Variants in GLB1L2 observed in about 807,000 individuals in gnomAD.
The protein encoded by GLB1L2 is galactosidase beta 1 like 2.
A neutral mutation model predicts 84.1 loss-of-function variants in GLB1L2; 68 were observed. The ratio of observed to expected loss-of-function variants is 0.81; its 90% CI spans 0.67 to 0.99. GLB1L2 has a LOEUF of 0.99. GLB1L2 is among the 50% of genes least tolerant of loss of function. The pLI is 0.00. For missense variants in GLB1L2, 762 were observed against 805.6 expected, an observed-to-expected ratio of 0.95 and a Z score of 0.66; for synonymous variants, 290 against 318.0, an observed-to-expected ratio of 0.91 and a Z score of 0.94.
At chr11:134,369,779 C>T (rs749299492) in intron 10 of GLB1L2, 26 bp from the exon 11 acceptor site, 82 of 1,599,666 alleles carry the variant, frequency 5.1e-5, no homozygotes, top group Non-Finnish European at 5.6e-5. Flanking sequence ...ACAGGAATGA[C>T]CATGACAGGG....
At position 134,350,687 on chromosome 11, in the gene GLB1L2, C is replaced by T. The variant is rs1021198983; in HGVS notation, c.558+3254C>T. On this transcript the variant is annotated intron_variant, in intron 5 of 18. Transcript: ENST00000535456. ...CAGCAGGACGGATGAACGGTGCAGCCTTCTATTCCTCCATCTTGCTCCACT... is the reference window on the plus strand; with the variant it reads ...CAGCAGGACGGATGAACGGTGCAGCTTTCTATTCCTCCATCTTGCTCCACT... 2.0e-5 allele frequency among the ~76,000 whole-genome samples: 3 copies of T among 152,206 alleles called. No homozygotes were observed. In the East Asian group the frequency reaches 5.8e-4, roughly 29 times the overall value.
At chr11:134,367,456 C>G (rs559954273) in intron 9 of GLB1L2, 115 bp downstream of exon 9, 3 of 822,142 alleles carry the variant, frequency 3.6e-6, no homozygotes, top group Non-Finnish European at 5.8e-6. Context: ...CTGGGATTAT[C>G]TGTGTGCAGA....
At position 134,342,909 on chromosome 11, in the gene GLB1L2, G is replaced by A. The variant is rs765852780; in HGVS notation, c.242G>A (p.Arg81His). 3 of 1,613,886 alleles carry A rather than the reference G, an allele frequency of 1.9e-6. No individual in the cohort carries two copies. The highest frequency in any genetic ancestry group is 1.1e-5 in the South Asian group (1 of 91,040). Reference protein sequence around the residue: ...FRVPREYWRDRLLKMKACGLN... With the variant: ...FRVPREYWRDHLLKMKACGLN... ...GTGCCCAGGGAGTACTGGAGGGACC[G>A]CCTGCTGAAGATGAAGGCCTGTGGC... Residue 81 changes from arginine to histidine, a missense_variant, in exon 2 of 19, where the codon CGC becomes CAC. Coordinates refer to ENST00000535456, the MANE Select transcript of GLB1L2 (RefSeq NM_001370461.1).
Position 134,375,302 on chromosome 11 carries a change from G to A in GLB1L2, c.*244G>A. On this transcript the variant is annotated 3_prime_UTR_variant, in exon 19 of 19. Transcript: ENST00000535456. The stretch of plus-strand genomic sequence containing the variant: ...CCTACAGCCCTGCTCTTGTGCCGAG[G>A]CTGTCGGGCTGTCTCTAGGGTGGGA... The A allele has an allele frequency of 2.1e-6, 1 of 477,260 alleles. No individual in the cohort carries two copies. The allele number at this position is 477,260 out of a possible 1,614,324, so 29.6% of individuals were successfully genotyped here.
intron 5 of GLB1L2, among the ~76,000 whole-genome samples, chr11:134,352,988 A>G (rs932489462): frequency 2.0e-5 from 3 of 152,104 alleles, no homozygotes; most frequent in African/African-American, 7.2e-5. Flanking sequence ...TCCTCTTTGG[A>G]CTATTGGTGA....
intron 4 of GLB1L2, 26 bp downstream of exon 4, chr11:134,345,155 T>G (rs1448472900): frequency 6.4e-7 from 1 of 1,569,588 alleles, no homozygotes; most frequent in African/African-American, 1.4e-5. Context: ...AAGGGTCCTG[T>G]GTGCTGTGGC....
intron 18 of GLB1L2, 55 bp from the exon 19 acceptor site, chr11:134,374,917 C>A: frequency 6.5e-7 from 1 of 1,545,260 alleles, no homozygotes; most frequent in African/African-American, 1.4e-5. Flanking sequence ...TCAGCACCTC[C>A]CCTGGCTCCA....
intron 7 of GLB1L2, chr11:134,360,343 C>G (rs1943765046): frequency 6.6e-6 from 1 of 152,362 alleles, no homozygotes; most frequent in Non-Finnish European, 1.5e-5. Context: ...GAGGAAAAGG[C>G]TTTTGTCCCC....
intron 1 of GLB1L2, among the ~76,000 whole-genome samples, chr11:134,332,378 G>T (rs563953917): frequency 3.3e-5 from 5 of 152,130 alleles, no homozygotes; most frequent in African/African-American, 1.2e-4. Context: ...CTCGGGAGCC[G>T]GCGTCTGTGC....
At chr11:134,343,620 A>G (rs1014642287) in intron 2 of GLB1L2, among the ~76,000 whole-genome samples, 2 of 152,170 alleles carry the variant, frequency 1.3e-5, no homozygotes, top group Admixed American at 6.5e-5. Context: ...TGGGTGGTTT[A>G]TGAACTGATT....
Position 134,367,059 on chromosome 11 carries a change from C to T in GLB1L2, c.805-198C>T, listed in dbSNP as rs183716201. Reference sequence around the variant, plus strand: ...TTATCTGCTCTATACCTGCAGGAGGCCACATGTGGCAGGAGAACTGGTGTG... The same window carrying T: ...TTATCTGCTCTATACCTGCAGGAGGTCACATGTGGCAGGAGAACTGGTGTG... On this transcript the variant is annotated intron_variant, in intron 8 of 18. Transcript: ENST00000535456. 33 of 614,622 alleles carry T rather than the reference C, an allele frequency of 5.4e-5. No individual in the cohort carries two copies. In the Admixed American group the frequency reaches 8.4e-4, roughly 16 times the overall value. The allele number at this position is 614,622 out of a possible 1,614,324, so 38.1% of individuals were successfully genotyped here.
In GLB1L2 at chr11:134,348,415, G is replaced by C. The variant is rs536225310; in HGVS notation, c.558+982G>C. Among the ~76,000 whole-genome samples, 33 of 152,318 alleles carry C rather than the reference G, an allele frequency of 2.2e-4. 1 individual carries two copies. The South Asian group carries it at 6.0e-3, about 28-fold the overall frequency. ...TTAGCCTAGATCTTGCTGGGAAGCT[G>C]GGGATCAGCAGGTTGTAGGAGTCGG... On this transcript the variant is annotated intron_variant, in intron 5 of 18. Transcript: ENST00000535456.
chr11:134,364,615 C>A, intron 8 of GLB1L2: 1 of 540,494 alleles, frequency 1.9e-6, no homozygotes, highest in African/African-American at 1.9e-5. Context: ...TGGACATCAC[C>A]CACTGCCCTG....
At chr11:134,350,821 C>T (rs1363478293) in intron 5 of GLB1L2, among the ~76,000 whole-genome samples, 1 of 152,170 alleles carries the variant, frequency 6.6e-6, no homozygotes, top group African/African-American at 2.4e-5. Flanking sequence ...TTGATGGTGT[C>T]GTAAATGGAA....
chr11:134,360,568 C>G (rs1217506811), intron 7 of GLB1L2: 2 of 152,194 alleles, frequency 1.3e-5, no homozygotes, highest in African/African-American at 4.8e-5. Context: ...TGCAAGGAAG[C>G]CCGGGAGCCG....
chr11:134,375,537 A>C lies in GLB1L2; in HGVS notation c.*479A>C, dbSNP rs1199153711. On this transcript the variant is annotated 3_prime_UTR_variant, in exon 19 of 19. Transcript: ENST00000535456. ...GTAGAGGGTGGGGAAGGGGTGTCTC[A>C]CCTGAGCTGACTTTGTTCTTCCTTC... The C allele has an allele frequency of 6.5e-6, 1 of 153,526 alleles. No individual in the cohort carries two copies. Among genetic ancestry groups the C allele is most frequent in the Non-Finnish European group, 1.4e-5 (1 of 69,066 alleles). The allele number at this position is 153,526 out of a possible 1,614,324, so 9.5% of individuals were successfully genotyped here. A position where few individuals can be genotyped will look rare whatever the true frequency, so the allele number is the denominator to read the frequency against.
At chr11:134,362,350 C>A (rs949167748) in intron 7 of GLB1L2, among the ~76,000 whole-genome samples, 5 of 135,200 alleles carry the variant, frequency 3.7e-5, no homozygotes, top group Admixed American at 2.9e-4. Context: ...CCTTCCCCGG[C>A]GCTGCCCGCG....
At chr11:134,372,208 T>G (rs1283732672) in intron 15 of GLB1L2, among the ~76,000 whole-genome samples, 1 of 152,170 alleles carries the variant, frequency 6.6e-6, no homozygotes, top group African/African-American at 2.4e-5. Flanking sequence ...TTCTTGGGCC[T>G]CCACACTGAA....
In GLB1L2 at chr11:134,370,108, C is replaced by G. The variant is rs954774722; in HGVS notation, c.1109-185C>G. Among the ~76,000 whole-genome samples the G allele has an allele frequency of 7.9e-5, 12 of 152,140 alleles. No individual in the cohort carries two copies. The highest frequency in any genetic ancestry group is 1.3e-4 in the Admixed American group (2 of 15,272). On this transcript the variant is annotated intron_variant, in intron 11 of 18. Transcript: ENST00000535456. This position sits in a 1 kb window ranked among gnomAD's most constrained non-coding sequence, Gnocchi z 4.7. ...ATCTCCTGTGGAGGACGGGAGAACG[C>G]CCTGGCTTTCCCCCAGGCCTGGCCT...
Sources: allele counts gnomAD v4.1 joint callset (sites outside exome capture counted in the v4.1 genomes callset), GRCh38; gene constraint gnomAD v4.1.1; non-coding constraint Gnocchi (gnomAD v3.1); transcripts MANE v1.5; gene names NCBI Gene and HGNC (gene_info 2026-07-23, HGNC 2026-07-21).